Variants in GFPT2 observed in about 807,000 individuals in gnomAD.
The protein encoded by GFPT2 is glutamine--fructose-6-phosphate transaminase 2.
A neutral mutation model predicts 85.6 loss-of-function variants in GFPT2; 62 were observed. The ratio of observed to expected loss-of-function variants is 0.72; its 90% confidence interval spans 0.59 to 0.90. The LOEUF (loss-of-function observed/expected upper bound fraction) is 0.90. GFPT2 is among the 40% of genes least tolerant of loss of function. The pLI is 0.00. For synonymous variants in GFPT2, 368 were observed against 344.5 expected (o/e 1.07, Z -0.75); for missense variants, 788 against 893.4 (o/e 0.88, Z 1.50).
chr5:180,319,890 G>T (rs1388256383), intron 9 of GFPT2, among the ~76,000 whole-genome samples: 2 of 152,072 alleles, frequency 1.3e-5, no homozygotes, highest in Non-Finnish European at 2.9e-5. Context: ...AAACTCATCA[G>T]GACAAAAGAC....
At chr5:180,331,241 A>C (rs1764294818) in intron 5 of GFPT2, among the ~76,000 whole-genome samples, 1 of 152,238 alleles carries the variant, frequency 6.6e-6, no homozygotes, top group South Asian at 2.1e-4. Flanking sequence ...AATAAAACGA[A>C]GCTCCTGTTA....
chr5:180,330,587 G>T lies in GFPT2; in HGVS notation c.534+113C>A. On this transcript the variant is annotated intron_variant, in intron 6 of 18. Coordinates refer to ENST00000253778, the MANE Select transcript of GFPT2 (RefSeq NM_005110.4). This position sits in a 1 kb window ranked among gnomAD's most constrained non-coding sequence, Gnocchi z 4.4. ...TATCCCCAGGACTCTGTGCAAGTTT[G>T]TCTAACAAGGGCTTATAAAAAATGA... 3.5e-6 allele frequency: 3 copies of T among 849,076 alleles called. No individual in the cohort carries two copies. The highest frequency in any genetic ancestry group is 2.1e-5 in the Admixed American group (1 of 48,258). The allele number at this position is 849,076 out of a possible 1,614,324, so 52.6% of individuals were successfully genotyped here.
At chr5:180,326,237 G>A (rs929068445) in intron 7 of GFPT2, among the ~76,000 whole-genome samples, 10 of 152,304 alleles carry the variant, frequency 6.6e-5, no homozygotes, top group African/African-American at 1.7e-4. Flanking sequence ...CAGTAGTTAC[G>A]AAAGGATGTG....
intron 1 of GFPT2, among the ~76,000 whole-genome samples, chr5:180,343,008 G>A (rs1215214650): frequency 2.0e-5 from 3 of 152,200 alleles, no homozygotes; most frequent in South Asian, 2.1e-4. Flanking sequence ...ACAGTTAAGC[G>A]AGGGAGGGAA....
At chr5:180,310,768 T>C (rs1763864650) in intron 15 of GFPT2, among the ~76,000 whole-genome samples, 1 of 127,066 alleles carries the variant, frequency 7.9e-6, no homozygotes, top group African/African-American at 3.0e-5. Context: ...CAATGACCAG[T>C]AGGCCTTCTA....
rs373053816 is a variant in GFPT2 at position 180,302,419 on chromosome 5, G to A, written c.2004+4C>T. 8.1e-6 allele frequency: 13 copies of A among 1,610,856 alleles called. No individual in the cohort carries two copies. Among genetic ancestry groups the A allele is most frequent in the Non-Finnish European group, 1.1e-5 (13 of 1,178,316 alleles). Reference sequence around the variant, plus strand: ...CTGCTGTTAGGTGCAGTTTTTAGACGCACGTCATATCCTCGGAGAACAGCC... The same window carrying A: ...CTGCTGTTAGGTGCAGTTTTTAGACACACGTCATATCCTCGGAGAACAGCC... On this transcript the variant is annotated splice_donor_region_variant and intron_variant, in intron 18 of 18. Coordinates refer to ENST00000253778, the MANE Select transcript of GFPT2 (RefSeq NM_005110.4).
At chr5:180,325,608 T>G (rs1268545819) in intron 7 of GFPT2, among the ~76,000 whole-genome samples, 1 of 152,202 alleles carries the variant, frequency 6.6e-6, no homozygotes, top group African/African-American at 2.4e-5. Context: ...AGGCCTCCTG[T>G]CCCAGCGTCA....
At chr5:180,348,795 G>C (rs1009018150) in intron 1 of GFPT2, among the ~76,000 whole-genome samples, 1 of 150,460 alleles carries the variant, frequency 6.6e-6, no homozygotes, top group African/African-American at 2.4e-5. Flanking sequence ...AGGCTGGAGT[G>C]TAGTGGCACG....
rs751508030 is a variant in GFPT2 at position 180,338,509 on chromosome 5, T to A, written c.99A>T (p.Arg33Ser). The change falls in exon 2 of 19, where the codon AGA becomes AGT. Residue 33 changes from arginine (R) to serine (S), a missense_variant. Transcript: ENST00000253778. ...LIKGLQRLEY[R>S]GYDSAGVAID... is the part of the protein sequence containing the mutation. ...CACACCCACCTGCCGAGTCGTAGCC[T>A]CTGTACTCCAGCCGCTGCAGGCCCT... 3.7e-6 allele frequency: 6 copies of A among 1,605,118 alleles called. No homozygotes were observed. The highest frequency in any genetic ancestry group is 5.1e-6 in the Non-Finnish European group (6 of 1,172,116).
chr5:180,314,808 C>T (rs980108818), intron 13 of GFPT2, among the ~76,000 whole-genome samples: 3 of 152,130 alleles, frequency 2.0e-5, no homozygotes, highest in Non-Finnish European at 4.4e-5. Flanking sequence ...CCCTAGGGTT[C>T]GATAGTGTTT....
chr5:180,339,038 T>C (rs1240409851), intron 1 of GFPT2, among the ~76,000 whole-genome samples: 1 of 152,078 alleles, frequency 6.6e-6, no homozygotes, highest in Non-Finnish European at 1.5e-5. Context: ...GCTGGGGCCT[T>C]TGCTTCCACG....
chr5:180,339,469 C>T (rs1764468420), intron 1 of GFPT2, among the ~76,000 whole-genome samples: 1 of 151,344 alleles, frequency 6.6e-6, no homozygotes, highest in Non-Finnish European at 1.5e-5. Flanking sequence ...TCCTTATGTT[C>T]AAGGTAGGCC....
intron 18 of GFPT2, among the ~76,000 whole-genome samples, chr5:180,302,211 C>T (rs1241909590): frequency 6.6e-6 from 1 of 150,996 alleles, no homozygotes; most frequent in East Asian, 2.0e-4. Flanking sequence ...CGCTTGAACC[C>T]AGGAGGTGGA....
In GFPT2 at chr5:180,301,553, C is replaced by G. The variant is rs551731397; in HGVS notation, c.*11G>C. On this transcript the variant is annotated 3_prime_UTR_variant, in exon 19 of 19. Transcript: ENST00000253778. ...ATGAAAGGTGGTGATGGTCTTGTCA[C>G]GGTCTCAGCCTCATTCCACAGTTAC... is the stretch of plus-strand genomic sequence containing the variant. The G allele has an allele frequency of 1.0e-5, 16 of 1,608,008 alleles. No individual in the cohort carries two copies. In the East Asian group the frequency reaches 2.2e-4, roughly 22 times the overall value.
chr5:180,331,071 C>CA, intron 5 of GFPT2: 2 of 545,246 alleles, frequency 3.7e-6, no homozygotes, highest in Non-Finnish European at 6.4e-6. Flanking sequence ...CTGGACATTG[C>CA]AAAATAACAG....
chr5:180,336,981 G>A (rs1189165425), intron 2 of GFPT2, among the ~76,000 whole-genome samples: 1 of 152,246 alleles, frequency 6.6e-6, no homozygotes, highest in Non-Finnish European at 1.5e-5. Context: ...TCTATCGGAC[G>A]TGCTTCCTAT....
intron 4 of GFPT2, among the ~76,000 whole-genome samples, chr5:180,334,678 T>A (rs1229350635): frequency 6.6e-6 from 1 of 152,250 alleles, no homozygotes; most frequent in Admixed American, 6.5e-5. Flanking sequence ...CTGTCTTTGC[T>A]GTACACCCTC....
chr5:180,304,750 C>T (rs1763743588), intron 17 of GFPT2, 22 bp downstream of exon 17: 3 of 1,601,094 alleles, frequency 1.9e-6, no homozygotes, highest in Admixed American at 3.3e-5. Context: ...AGAGCTGGCC[C>T]AGTCCAGTGG....
intron 9 of GFPT2, among the ~76,000 whole-genome samples, chr5:180,322,209 G>A (rs1161510089): frequency 6.6e-6 from 1 of 151,774 alleles, no homozygotes; most frequent in African/African-American, 2.4e-5. Flanking sequence ...TTTGAAAATA[G>A]CTACTCTGGA....
Sources: gnomAD v4.1 joint callset for allele counts (sites outside exome capture counted in the v4.1 genomes callset) on GRCh38, gnomAD v4.1.1 for gene constraint, Gnocchi (gnomAD v3.1) non-coding constraint, MANE v1.5 for transcripts, NCBI Gene and HGNC (gene_info 2026-07-23, HGNC 2026-07-21) for gene names.